Variants in CALN1 observed in about 807,000 individuals in gnomAD.
CALN1 encodes calcium-binding protein 8.
Under a neutral mutation model 30.6 loss-of-function variants are expected in CALN1, and 17 were observed. That is an observed-to-expected ratio of 0.56 (90% CI 0.38 to 0.83). The LOEUF is 0.83. Among genes scored for constraint, CALN1 ranks in the 40% least tolerant of loss-of-function variants. CALN1 has a pLI of 0.00. For missense variants in CALN1, 291 were observed against 354.9 expected, an observed-to-expected ratio of 0.82 and a Z score of 1.45; for synonymous variants, 156 against 131.4, an observed-to-expected ratio of 1.19 and a Z score of -1.28.
chr7:72,328,127 T>A (rs539719859), intron 2 of CALN1, among the ~76,000 whole-genome samples: 68 of 146,608 alleles, frequency 4.6e-4, no homozygotes, highest in African/African-American at 7.6e-4. Flanking sequence ...AAAAAAAAAA[T>A]GTTTACTTTC....
At chr7:72,402,317 ACTG>A (rs779880900) in intron 2 of CALN1, among the ~76,000 whole-genome samples, 4 of 152,204 alleles carry the variant, frequency 2.6e-5, no homozygotes, top group Non-Finnish European at 5.9e-5. Flanking sequence ...CATGGGAGAA[ACTG>A]CTGAACATCA....
chr7:71,999,691 T>G (rs1799429652), intron 5 of CALN1, among the ~76,000 whole-genome samples: 1 of 152,096 alleles, frequency 6.6e-6, no homozygotes, highest in Non-Finnish European at 1.5e-5. Flanking sequence ...AATTTTTCTA[T>G]TTTTAGTAGA....
At position 71,868,574 on chromosome 7, in the gene CALN1, G is replaced by A. The variant is rs200531598; in HGVS notation, c.502-58082C>T. On this transcript the variant is annotated intron_variant, in intron 5 of 6. Coordinates refer to ENST00000395275, the MANE Select transcript of CALN1 (RefSeq NM_031468.4). Reference sequence around the variant, plus strand: ...TTTAGTAGAGACAGGGTTTCGCCACGTTAGCTGGGTTGGTCTCGAACTCCT... The same window carrying A: ...TTTAGTAGAGACAGGGTTTCGCCACATTAGCTGGGTTGGTCTCGAACTCCT... Among the ~76,000 whole-genome samples the A allele has an allele frequency of 1.1e-4, 17 of 152,066 alleles. No homozygotes were observed. The East Asian group carries it at 1.4e-3, about 12-fold the overall frequency.
intron 2 of CALN1, among the ~76,000 whole-genome samples, chr7:72,400,061 C>A (rs1806235227): frequency 6.6e-6 from 1 of 152,204 alleles, no homozygotes; most frequent in Non-Finnish European, 1.5e-5. Flanking sequence ...GTACAGTCTG[C>A]AGAACCATGA....
chr7:71,949,356 C>G (rs931041834), intron 5 of CALN1, among the ~76,000 whole-genome samples: 4 of 152,032 alleles, frequency 2.6e-5, no homozygotes, highest in Non-Finnish European at 5.9e-5. Flanking sequence ...AGGCGTATAC[C>G]AAGTAACCAA....
chr7:71,809,367 T>A (rs997918125), intron 6 of CALN1, among the ~76,000 whole-genome samples: 11 of 146,526 alleles, frequency 7.5e-5, no homozygotes, highest in Non-Finnish European at 1.3e-4. Flanking sequence ...ACTCACTGGC[T>A]CTAAGGGAGA....
intron 5 of CALN1, among the ~76,000 whole-genome samples, chr7:72,010,475 G>T (rs1800007216): frequency 6.6e-6 from 1 of 152,006 alleles, no homozygotes; most frequent in Admixed American, 6.6e-5. Context: ...AAATTCCAAA[G>T]CCATTTTCCA....
intron 5 of CALN1, among the ~76,000 whole-genome samples, chr7:71,976,493 C>T (rs1321354927): frequency 6.6e-6 from 1 of 152,182 alleles, no homozygotes; most frequent in East Asian, 1.9e-4. Flanking sequence ...GACTCTTGCA[C>T]GGAACCCTAG....
At chr7:72,231,494 T>C (rs1218844234) in intron 3 of CALN1, among the ~76,000 whole-genome samples, 1 of 152,222 alleles carries the variant, frequency 6.6e-6, no homozygotes, top group Admixed American at 6.5e-5. Flanking sequence ...TAGTATTCCA[T>C]GGTATATGTA....
chr7:72,376,987 CA>C (rs1804598243), intron 2 of CALN1, among the ~76,000 whole-genome samples: 1 of 152,180 alleles, frequency 6.6e-6, no homozygotes, highest in South Asian at 2.1e-4. Flanking sequence ...TGTCAAAAAT[CA>C]ATTGACCAAA....
chr7:71,963,914 T>C (rs1226653075), intron 5 of CALN1, among the ~76,000 whole-genome samples: 3 of 152,200 alleles, frequency 2.0e-5, no homozygotes, highest in South Asian at 2.1e-4. Context: ...TTAGGACCTA[T>C]GAAGTTTGGC....
At chr7:72,290,024 G>A (rs1798364934) in intron 2 of CALN1, among the ~76,000 whole-genome samples, 1 of 134,812 alleles carries the variant, frequency 7.4e-6, no homozygotes, top group African/African-American at 2.9e-5. Context: ...GCTGCAGTGA[G>A]CTATGATTAA....
At chr7:71,883,001 C>T (rs1306772935) in intron 5 of CALN1, among the ~76,000 whole-genome samples, 6 of 152,176 alleles carry the variant, frequency 3.9e-5, no homozygotes, top group South Asian at 4.1e-4. Flanking sequence ...AGGCATGAGC[C>T]GCCACACCCA....
chr7:72,324,663 C>A (rs1801142487), intron 2 of CALN1, among the ~76,000 whole-genome samples: 1 of 152,020 alleles, frequency 6.6e-6, no homozygotes, highest in South Asian at 2.1e-4. Flanking sequence ...CTCACTGCAA[C>A]CTCCGCCTCC....
chr7:71,904,779 CA>C (rs1794041316), intron 5 of CALN1, among the ~76,000 whole-genome samples: 1 of 152,134 alleles, frequency 6.6e-6, no homozygotes, highest in Non-Finnish European at 1.5e-5. Flanking sequence ...ACGTATACTT[CA>C]AAACATTATG....
intron 2 of CALN1, among the ~76,000 whole-genome samples, chr7:72,280,785 A>T (rs1797680502): frequency 6.6e-6 from 1 of 152,172 alleles, no homozygotes; most frequent in Non-Finnish European, 1.5e-5. Context: ...TTAGGTCATG[A>T]GGACAGAATT....
chr7:72,499,830 TTTC>T, the CALN1 span, among the ~76,000 whole-genome samples: 1 of 29,508 alleles, frequency 3.4e-5, no homozygotes, highest in African/African-American at 1.9e-4. Context: ...TCCTTCCTTC[TTTC>T]TTTCTTTCTT....
At chr7:72,396,380 G>A (rs1427832644) in intron 2 of CALN1, among the ~76,000 whole-genome samples, 3 of 148,342 alleles carry the variant, frequency 2.0e-5, no homozygotes, top group Non-Finnish European at 3.0e-5. Context: ...CCAAGATCAT[G>A]CCACTGCACT....
chr7:72,324,559 A>AATTTATTT (rs10562818), intron 2 of CALN1, among the ~76,000 whole-genome samples: 33 of 129,974 alleles, frequency 2.5e-4, no homozygotes, highest in African/African-American at 8.1e-4. Flanking sequence ...TAAATGATGT[A>AATTTATTT]ATTTATTTAT....
Sources: gnomAD v4.1 joint callset for allele counts (sites outside exome capture counted in the v4.1 genomes callset) on GRCh38, gnomAD v4.1.1 for gene constraint, MANE v1.5 for transcripts, NCBI Gene and HGNC (gene_info 2026-07-23, HGNC 2026-07-21) for gene names.